Variants in ETFA observed in about 807,000 individuals in gnomAD.
ETFA encodes the protein electron transfer flavoprotein subunit alpha.
Under a neutral mutation model 46.2 loss-of-function variants are expected in ETFA, and 22 were observed. That is an observed-to-expected ratio of 0.48 (90% confidence interval 0.34 to 0.68). ETFA has a LOEUF of 0.68. ETFA is among the 30% of genes least tolerant of loss of function. The pLI is 0.01. For missense variants in ETFA, 345 were observed against 401.1 expected, an observed-to-expected ratio of 0.86 and a Z score of 1.19; for synonymous variants, 131 against 139.9, an observed-to-expected ratio of 0.94 and a Z score of 0.45.
At chr15:76,265,576 G>C (rs2039462616) in intron 9 of ETFA, among the ~76,000 whole-genome samples, 1 of 152,134 alleles carries the variant, frequency 6.6e-6, no homozygotes, top group Non-Finnish European at 1.5e-5. Flanking sequence ...CCAGACAAAA[G>C]ACTTCCACGG....
chr15:76,259,271 T>C (rs956462341), intron 9 of ETFA: 6 of 1,569,098 alleles, frequency 3.8e-6, no homozygotes, highest in East Asian at 2.2e-5. Flanking sequence ...GGCTGGCGGA[T>C]AGCACAGACA....
chr15:76,281,360 T>C (rs2039648662), intron 8 of ETFA, among the ~76,000 whole-genome samples: 1 of 151,998 alleles, frequency 6.6e-6, no homozygotes, highest in South Asian at 2.1e-4. Context: ...AACTTCAATC[T>C]TTCCCTTCAA....
chr15:76,257,270 G>A (rs1467744000), intron 9 of ETFA, among the ~76,000 whole-genome samples: 4 of 152,110 alleles, frequency 2.6e-5, no homozygotes, highest in African/African-American at 9.7e-5. Context: ...CCAGTTAGAG[G>A]GGAAGTTGGC....
chr15:76,227,523 A>AAAAAAAAAAAAAAAG (rs2039016227), intron 10 of ETFA, among the ~76,000 whole-genome samples: 1 of 151,064 alleles, frequency 6.6e-6, no homozygotes, highest in African/African-American at 2.4e-5. Flanking sequence ...CTCAAAAAAA[A>AAAAAAAAAAAAAAAG]AAAAAGGAAA....
chr15:76,298,462 A>G (rs149593311), intron 1 of ETFA, among the ~76,000 whole-genome samples: 11 of 152,310 alleles, frequency 7.2e-5, no homozygotes, highest in African/African-American at 1.7e-4. Flanking sequence ...CCCCTACCCA[A>G]CTTTGCTTTA....
At chr15:76,260,722 G>T in intron 9 of ETFA, 3 of 1,606,004 alleles carry the variant, frequency 1.9e-6, no homozygotes, top group Non-Finnish European at 2.6e-6. Context: ...ATGGCATGGA[G>T]GTTTTGGGGA....
At position 76,311,436 on chromosome 15, in the gene ETFA, G is replaced by A. The variant is rs770397572; in HGVS notation, c.-48C>T. 1.2e-5 allele frequency: 19 copies of A among 1,544,426 alleles called. No homozygotes were observed. The highest frequency in any genetic ancestry group is 2.4e-5 in the East Asian group (1 of 41,046). Reference sequence around the variant, plus strand: ...TCGGCCTTACAGCAGCCCCGTGCCCGGCCAACTGGCGCCGCCTCAGCCAGT... The same window carrying A: ...TCGGCCTTACAGCAGCCCCGTGCCCAGCCAACTGGCGCCGCCTCAGCCAGT... On this transcript the variant is annotated 5_prime_UTR_variant, in exon 1 of 12. Coordinates refer to ENST00000557943, the MANE Select transcript of ETFA (RefSeq NM_000126.4).
rs1369553684 is a variant in ETFA, at chr15:76,225,835, C to T, written c.963+14G>A. ...CAATCTAGATAATAGCAATTTCTCTCAAGGCCAGCTTACCTTAAATAAATC... is the reference window on the plus strand; with the variant it reads ...CAATCTAGATAATAGCAATTTCTCTTAAGGCCAGCTTACCTTAAATAAATC... On this transcript the variant is annotated intron_variant, in intron 11 of 11. Coordinates refer to ENST00000557943, the MANE Select transcript of ETFA (RefSeq NM_000126.4). 2.6e-6 allele frequency: 4 copies of T among 1,552,410 alleles called. No individual in the cohort carries two copies. The South Asian group carries it at 3.3e-5, about 13-fold the overall frequency.
intron 9 of ETFA, chr15:76,261,615 CCGCCAGCAGCAGCCCCAGCTGCTGTGG>C (rs1357456102): frequency 1.6e-5 from 7 of 444,542 alleles, no homozygotes; most frequent in Admixed American, 1.2e-4. Flanking sequence ...GAAGTCAGAG[CCGCCAGCAGCAGCCCCAGCTGCTGTGG>C]CGGCAGCAGC....
chr15:76,228,055 A>G (rs2039022953), intron 10 of ETFA: 1 of 442,926 alleles, frequency 2.3e-6, no homozygotes, highest in Admixed American at 2.4e-5. Flanking sequence ...GGGAATGTGT[A>G]ACCTGCTTCA....
intron 9 of ETFA, among the ~76,000 whole-genome samples, chr15:76,242,721 T>G (rs2039204387): frequency 6.6e-6 from 1 of 152,200 alleles, no homozygotes; most frequent in South Asian, 2.1e-4. Flanking sequence ...AATTAAGTTC[T>G]GATACATGAT....
rs2039402437 is a variant in ETFA at position 76,260,771 on chromosome 15, C to A, written c.816+13641G>T. 1.9e-6 allele frequency: 3 copies of A among 1,604,156 alleles called. No individual in the cohort carries two copies. The Admixed American group carries it at 5.0e-5, about 27-fold the overall frequency. On this transcript the variant is annotated intron_variant, in intron 9 of 11. Transcript: ENST00000557943. ...CTAGACCCTTGGTCTGAAAGGGCAC[C>A]CAGTCAGCATAAGGAGAGGGCCCCA...
At chr15:76,218,072 G>A (rs1171096213) in intron 11 of ETFA, among the ~76,000 whole-genome samples, 3 of 152,186 alleles carry the variant, frequency 2.0e-5, no homozygotes, top group Non-Finnish European at 4.4e-5. Flanking sequence ...TGCTAACTGA[G>A]TTTCACACGG....
At chr15:76,219,757 A>G (rs1044712947) in intron 11 of ETFA, among the ~76,000 whole-genome samples, 2 of 152,190 alleles carry the variant, frequency 1.3e-5, no homozygotes, top group East Asian at 3.8e-4. Context: ...TATTAGGAAA[A>G]CGCAAATCAA....
chr15:76,225,633 G>C (rs2038996461), intron 11 of ETFA, among the ~76,000 whole-genome samples: 1 of 152,110 alleles, frequency 6.6e-6, no homozygotes, highest in Admixed American at 6.5e-5. Flanking sequence ...TTCTTAAAAG[G>C]AAAGTTATAA....
chr15:76,242,999 TA>T lies in ETFA; in HGVS notation c.817-11602del, dbSNP rs1485397800. ...GGTTGAAGTCATTAAATTGTACACT[TA>T]AAAATCGTTAAAACAACTGGGTGTG... On this transcript the variant is annotated intron_variant, in intron 9 of 11. Coordinates refer to ENST00000557943, the MANE Select transcript of ETFA (RefSeq NM_000126.4). Among the ~76,000 whole-genome samples, 6 of 152,326 alleles carry T rather than the reference TA, an allele frequency of 3.9e-5. 1 individual carries two copies. Among genetic ancestry groups the T allele is most frequent in the African/African-American group, 1.4e-4 (6 of 41,580 alleles).
At position 76,268,835 on chromosome 15, in the gene ETFA, C is replaced by G. The variant is rs906242805; in HGVS notation, c.816+5577G>C. Among the ~76,000 whole-genome samples, 5 of 152,318 alleles carry G rather than the reference C, an allele frequency of 3.3e-5. No individual in the cohort carries two copies. In the South Asian group the frequency reaches 1.0e-3, roughly 32 times the overall value. On this transcript the variant is annotated intron_variant, in intron 9 of 11. Transcript: ENST00000557943. ...TTAAGAGCTGCACAGCCTGCAATTGCCTTGCTCAATTAATTCAAAAACAAA... is the reference window on the plus strand; with the variant it reads ...TTAAGAGCTGCACAGCCTGCAATTGGCTTGCTCAATTAATTCAAAAACAAA...
chr15:76,288,919 TC>T (rs1378903418), intron 4 of ETFA, among the ~76,000 whole-genome samples: 2 of 80,936 alleles, frequency 2.5e-5, no homozygotes, highest in African/African-American at 5.3e-5. Flanking sequence ...TTCTTCTTCT[TC>T]TTTTTTTTTT....
intron 9 of ETFA, among the ~76,000 whole-genome samples, chr15:76,248,388 T>C (rs890200095): frequency 6.6e-6 from 1 of 152,076 alleles, no homozygotes; most frequent in South Asian, 2.1e-4. Context: ...TCAAATCAAG[T>C]AGATTATAAT....
Sources: allele counts gnomAD v4.1 joint callset (sites outside exome capture counted in the v4.1 genomes callset), GRCh38; gene constraint gnomAD v4.1.1; transcripts MANE v1.5; gene names NCBI Gene and HGNC (gene_info 2026-07-23, HGNC 2026-07-21).